Variants in PELP1 observed in about 807,000 individuals in gnomAD.
PELP1 encodes proline, glutamate and leucine rich protein 1, also known as proline-, glutamic acid- and leucine-rich protein 1.
Under a neutral mutation model 95.5 loss-of-function variants are expected in PELP1, and 32 were observed. The ratio of observed to expected loss-of-function variants is 0.34; its 90% CI spans 0.25 to 0.45. PELP1 has a LOEUF of 0.45. Ranked by LOEUF, PELP1 falls within the 20% of genes least tolerant of loss-of-function variation. PELP1 has a pLI of 1.00. For synonymous variants in PELP1, 668 were observed against 600.1 expected, an observed-to-expected ratio of 1.11 and a Z score of -1.65; for missense variants, 1,358 against 1,444.8, an observed-to-expected ratio of 0.94 and a Z score of 0.97.
intron 3 of PELP1, 127 bp from the exon 4 acceptor site, chr17:4,683,079 C>A: frequency 7.5e-7 from 1 of 1,332,358 alleles, no homozygotes; most frequent in Non-Finnish European, 9.6e-7. Context: ...CAAGCCACTA[C>A]CTGGCAGAAA....
In PELP1 at chr17:4,675,778, G is replaced by T; in HGVS notation, c.1068+19C>A. On this transcript the variant is annotated intron_variant, in intron 9 of 16. Transcript: ENST00000572293. This position sits in a 1 kb window ranked among gnomAD's most constrained non-coding sequence, Gnocchi z 4.3. The stretch of plus-strand genomic sequence containing the variant: ...GTATCCTGAGCAAGGGCTCTGAAGA[G>T]ATGACAAATCCCACTTACAATATTC... 6.5e-7 allele frequency: 1 copy of T among 1,527,974 alleles called. No individual in the cohort carries two copies. Among genetic ancestry groups the T allele is most frequent in the Non-Finnish European group, 8.9e-7 (1 of 1,122,478 alleles). The allele number at this position is 1,527,974 out of a possible 1,614,324, so 94.7% of individuals were successfully genotyped here.
chr17:4,701,789 T>C (rs1020492872), intron 1 of PELP1, among the ~76,000 whole-genome samples: 4 of 152,182 alleles, frequency 2.6e-5, no homozygotes, highest in African/African-American at 4.8e-5. Flanking sequence ...ACATAACAGA[T>C]ACTCAATAAA....
chr17:4,675,089 T>C lies in PELP1; in HGVS notation c.1264A>G (p.Arg422Gly). The C allele has an allele frequency of 6.2e-7, 1 of 1,613,384 alleles. No individual in the cohort carries two copies. Among genetic ancestry groups the C allele is most frequent in the Non-Finnish European group, 8.5e-7 (1 of 1,179,548 alleles). Residue 422 changes from arginine (R) to glycine (G), a missense_variant, in exon 11 of 17, where the codon AGG becomes GGG. Physicochemically the swap from Arg to Gly is moderately radical, Grantham distance 125. Around this residue, in one of 7 missense-constraint regions of PELP1, gnomAD observed 538 missense variants for 628.1 expected, o/e 0.86. Transcript: ENST00000572293. This position sits in a 1 kb window ranked among gnomAD's most constrained non-coding sequence, Gnocchi z 4.3. ...GRDSLSPGQE[R>G]PYSTVRTKVY... ...TTCCTGGATGGTCACCTGTAAGGCC[T>C]CTCCTGGCCTGGAGAGAGGGAATCT... is the stretch of plus-strand genomic sequence containing the variant.
At chr17:4,685,264 A>C (rs989833239) in intron 3 of PELP1, among the ~76,000 whole-genome samples, 20 of 152,158 alleles carry the variant, frequency 1.3e-4, no homozygotes, top group Middle Eastern at 3.4e-3. Context: ...GCACACACGG[A>C]AATAACTCCT....
Position 4,671,365 on chromosome 17 carries a change from C to G in PELP1, c.*74G>C. 1 of 871,888 alleles carries G rather than the reference C, an allele frequency of 1.1e-6. No individual in the cohort carries two copies. The highest frequency in any genetic ancestry group is 1.9e-6 in the Non-Finnish European group (1 of 516,172). 54.0% of individuals were successfully genotyped at this position (871,888 alleles called of 1,614,324 possible). On this transcript the variant is annotated 3_prime_UTR_variant, in exon 17 of 17. Coordinates refer to ENST00000572293, the MANE Select transcript of PELP1 (RefSeq NM_014389.3). ...CTTCTGGCTGGGGACCCAGGTGTGG[C>G]AAAAGGCAGAAGCAGCAGTCGCTAT... is the stretch of plus-strand genomic sequence containing the variant.
Position 4,673,718 on chromosome 17 carries a change from CT to C in PELP1, c.1583-45del, listed in dbSNP as rs1376520986. The C allele has an allele frequency of 1.9e-6, 3 of 1,567,970 alleles. No homozygotes were observed. The highest frequency in any genetic ancestry group is 2.2e-5 in the South Asian group (2 of 90,186). Reference sequence around the variant, plus strand: ...GTGTAAAGGGTAGGCTCCCAACAGACTGACGGCAAGGGCTTCTGAAGCATAC... The same window carrying C: ...GTGTAAAGGGTAGGCTCCCAACAGACGACGGCAAGGGCTTCTGAAGCATAC... On this transcript the variant is annotated intron_variant, in intron 13 of 16. Coordinates refer to ENST00000572293, the MANE Select transcript of PELP1 (RefSeq NM_014389.3). This position sits in a 1 kb window ranked among gnomAD's most constrained non-coding sequence, Gnocchi z 5.7.
chr17:4,698,648 AAAAAC>A (rs1334214102), intron 1 of PELP1, among the ~76,000 whole-genome samples: 2 of 150,474 alleles, frequency 1.3e-5, no homozygotes, highest in Non-Finnish European at 3.0e-5. Flanking sequence ...TCAAAAAAAA[AAAAAC>A]AAGGCAAAAC....
rs376818526 is a variant in PELP1 at position 4,683,428 on chromosome 17, G to C, written c.421-476C>G. Among the ~76,000 whole-genome samples, 202 of 151,382 alleles carry C rather than the reference G, an allele frequency of 1.3e-3. 1 individual carries two copies. The highest frequency in any genetic ancestry group is 4.8e-3 in the African/African-American group (199 of 41,362). On this transcript the variant is annotated intron_variant, in intron 3 of 16. Transcript: ENST00000572293. ...GTAGAGACGGGGTTTCACTATGTTA[G>C]CCAGGATGGTCTCGATCTCCGACCT...
At chr17:4,685,914 T>A (rs55956806) in intron 3 of PELP1, among the ~76,000 whole-genome samples, 3 of 151,656 alleles carry the variant, frequency 2.0e-5, no homozygotes, top group Non-Finnish European at 4.4e-5. Flanking sequence ...CTGGCCAACA[T>A]GGTGAAACCC....
Position 4,673,060 on chromosome 17 carries a change from G to T in PELP1, c.1931C>A (p.Thr644Asn). The change falls in exon 16 of 17, where the codon ACC becomes AAC. Residue 644 changes from threonine to asparagine, a missense_variant. Thr to Asn is a moderately conservative substitution (Grantham distance 65, BLOSUM62 0). Around this residue, in one of 7 missense-constraint regions of PELP1, gnomAD observed 340 missense variants for 322.9 expected, o/e 1.05. Coordinates refer to ENST00000572293, the MANE Select transcript of PELP1 (RefSeq NM_014389.3). The surrounding 1 kb of genome is among the most constrained non-coding windows in gnomAD (Gnocchi z 5.7). Reference protein sequence around the residue: ...RVPPLQPMGPTCPTPAPVPPP... With the variant: ...RVPPLQPMGPNCPTPAPVPPP... ...GGGAACTGGAGCAGGTGTGGGGCAG[G>T]TGGGGCCCATGGGCTGCAGGGGAGG... 6.5e-7 allele frequency: 1 copy of T among 1,528,304 alleles called. No homozygotes were observed. The highest frequency in any genetic ancestry group is 8.8e-7 in the Non-Finnish European group (1 of 1,140,612). The allele number at this position is 1,528,304 out of a possible 1,614,324, so 94.7% of individuals were successfully genotyped here.
At chr17:4,691,055 G>C in intron 2 of PELP1, 62 bp from the exon 3 acceptor site, 1 of 1,178,414 alleles carries the variant, frequency 8.5e-7, no homozygotes, top group Admixed American at 1.7e-5. Context: ...GAAAGTGACT[G>C]CTCTTTTATT....
chr17:4,683,054 GT>G, intron 3 of PELP1, 102 bp from the exon 4 acceptor site: 1 of 1,368,494 alleles, frequency 7.3e-7, no homozygotes, highest in East Asian at 2.8e-5. Context: ...CACGGTTAAT[GT>G]CAGTCTGACC....
intron 3 of PELP1, among the ~76,000 whole-genome samples, chr17:4,685,401 G>A (rs1385479224): frequency 6.6e-6 from 1 of 152,012 alleles, no homozygotes; most frequent in Non-Finnish European, 1.5e-5. Context: ...ATTAAGTGTG[G>A]TGTGCTTTAA....
intron 5 of PELP1, among the ~76,000 whole-genome samples, chr17:4,681,887 G>T (rs774469927): frequency 2.6e-5 from 4 of 152,110 alleles, no homozygotes; most frequent in Non-Finnish European, 4.4e-5. Flanking sequence ...TAGGGGGCCA[G>T]GCACAGTGGC....
chr17:4,677,069 G>C (rs1912510118), intron 5 of PELP1, among the ~76,000 whole-genome samples: 2 of 152,114 alleles, frequency 1.3e-5, no homozygotes, highest in South Asian at 4.1e-4. Flanking sequence ...AGACAGCTGG[G>C]CTTCCTCCTT....
In PELP1 at chr17:4,702,165, T is replaced by C. The variant is rs147395929; in HGVS notation, c.249+1698A>G. 2.0e-5 allele frequency among the ~76,000 whole-genome samples: 3 copies of C among 152,330 alleles called. No individual in the cohort carries two copies. The East Asian group carries it at 5.8e-4, about 29-fold the overall frequency. ...AAGGCATGGTGGCCCGTGCCTGTAA[T>C]TCCAGCACTTTGGGAAGCCAAGGCA... On this transcript the variant is annotated intron_variant, in intron 1 of 16. Transcript: ENST00000572293.
intron 1 of PELP1, among the ~76,000 whole-genome samples, chr17:4,700,597 A>G (rs140577134): frequency 2.0e-5 from 3 of 152,184 alleles, no homozygotes; most frequent in South Asian, 2.1e-4. Flanking sequence ...TCAAAAGAAT[A>G]TACAGGATAA....
chr17:4,683,800 G>A lies in PELP1; in HGVS notation c.421-848C>T, dbSNP rs141405844. ...CCCACTTCAGACTCCAAAGTGCTAG[G>A]ATTACAGGCGTGAGCCACAGTGCCC... is the stretch of plus-strand genomic sequence containing the variant. On this transcript the variant is annotated intron_variant, in intron 3 of 16. Transcript: ENST00000572293. Among the ~76,000 whole-genome samples the A allele has an allele frequency of 3.2e-3, 472 of 145,840 alleles. 4 individuals are homozygous for A. Among genetic ancestry groups the A allele is most frequent in the African/African-American group, 0.011 (449 of 39,284 alleles).
intron 1 of PELP1, among the ~76,000 whole-genome samples, chr17:4,702,063 T>C (rs1913559680): frequency 6.6e-6 from 1 of 152,150 alleles, no homozygotes; most frequent in Non-Finnish European, 1.5e-5. Flanking sequence ...CTGAAAGAGA[T>C]GATGAAAGAA....
Sources: allele counts gnomAD v4.1 joint callset (sites outside exome capture counted in the v4.1 genomes callset), GRCh38; gene constraint gnomAD v4.1.1; regional missense constraint gnomAD v4.1.1; non-coding constraint Gnocchi (gnomAD v3.1); transcripts MANE v1.5; gene names NCBI Gene and HGNC (gene_info 2026-07-23, HGNC 2026-07-21).